MARK1: variants seen among roughly 807,000 people sequenced by gnomAD.
MARK1 encodes the protein serine/threonine-protein kinase MARK1.
A neutral mutation model predicts 96.3 loss-of-function variants in MARK1; 40 were observed. The observed-to-expected ratio is 0.42, with a 90% CI of 0.32 to 0.54. MARK1 has a LOEUF of 0.54. Ranked by LOEUF, MARK1 falls within the 20% of genes least tolerant of loss-of-function variation. The pLI, the probability that MARK1 is intolerant of heterozygous loss-of-function variation, is 0.16. For synonymous variants in MARK1, 317 were observed against 341.2 expected (o/e 0.93, Z 0.78); for missense variants, 719 against 984.6 (o/e 0.73, Z 3.61).
Position 220,612,971 on chromosome 1 carries a change from C to T in MARK1, c.496-2968C>T, listed in dbSNP as rs1458401823. Among the ~76,000 whole-genome samples the T allele has an allele frequency of 2.0e-5, 3 of 152,036 alleles. No homozygotes were observed. The East Asian group carries it at 5.8e-4, about 29-fold the overall frequency. ...TCAATTCTTGCAATATCAAGTCTACCACTTATAAGTATTAACAATTGCAAA... is the reference window on the plus strand; with the variant it reads ...TCAATTCTTGCAATATCAAGTCTACTACTTATAAGTATTAACAATTGCAAA... On this transcript the variant is annotated intron_variant, in intron 6 of 17. Coordinates refer to ENST00000366917, the MANE Select transcript of MARK1 (RefSeq NM_018650.5).
At chr1:220,607,154 G>A (rs961035766) in intron 6 of MARK1, among the ~76,000 whole-genome samples, 4 of 152,176 alleles carry the variant, frequency 2.6e-5, no homozygotes, top group African/African-American at 9.7e-5. Context: ...CTATCCGTGA[G>A]CATGGAATAT....
In MARK1 at chr1:220,581,138, A is replaced by G. The variant is rs992223977; in HGVS notation, c.309+20A>G. On this transcript the variant is annotated intron_variant, in intron 3 of 17. Coordinates refer to ENST00000366917, the MANE Select transcript of MARK1 (RefSeq NM_018650.5). ...CAAAAGGTATTTAATTAATTTAATA[A>G]GTAATTAAAATGTGAGTTTATCATT... The G allele has an allele frequency of 2.8e-5, 26 of 937,382 alleles. No homozygotes were observed. Among genetic ancestry groups the G allele is most frequent in the Non-Finnish European group, 3.7e-5 (25 of 672,374 alleles). The allele number at this position is 937,382 out of a possible 1,614,324, so 58.1% of individuals were successfully genotyped here.
At chr1:220,644,461 C>A (rs6656145) in intron 13 of MARK1, among the ~76,000 whole-genome samples, 110,301 of 135,918 alleles carry the variant, frequency 0.81, 45,472 homozygotes, top group African/African-American at 0.93. Context: ...CCCCCCCCCC[C>A]CACACACACA....
At chr1:220,645,754 G>T (rs1215648636) in intron 13 of MARK1, among the ~76,000 whole-genome samples, 2 of 152,116 alleles carry the variant, frequency 1.3e-5, no homozygotes, top group African/African-American at 2.4e-5. Flanking sequence ...TTCAACATAC[G>T]TGAATCAATA....
At chr1:220,590,817 G>A (rs1001494092) in intron 3 of MARK1, among the ~76,000 whole-genome samples, 7 of 152,192 alleles carry the variant, frequency 4.6e-5, no homozygotes, top group East Asian at 3.9e-4. Context: ...TCTTGTTATC[G>A]CTTATGTTTT....
chr1:220,548,993 T>G (rs1427136173), intron 1 of MARK1, among the ~76,000 whole-genome samples: 1 of 152,146 alleles, frequency 6.6e-6, no homozygotes, highest in Non-Finnish European at 1.5e-5. Context: ...TCTTGGGGTG[T>G]AGGGGAGTAT....
At chr1:220,548,610 G>A (rs547526110) in intron 1 of MARK1, among the ~76,000 whole-genome samples, 7 of 152,148 alleles carry the variant, frequency 4.6e-5, no homozygotes, top group East Asian at 3.9e-4. Context: ...GTGGTGGTGG[G>A]CACCTGTAGT....
chr1:220,604,941 A>C (rs1665980305), intron 6 of MARK1, among the ~76,000 whole-genome samples: 1 of 152,120 alleles, frequency 6.6e-6, no homozygotes, highest in African/African-American at 2.4e-5. Context: ...ACTTTTATTA[A>C]ATTTAGAATT....
intron 1 of MARK1, among the ~76,000 whole-genome samples, chr1:220,570,440 CTT>C (rs1663365137): frequency 1.3e-5 from 2 of 152,092 alleles, no homozygotes; most frequent in African/African-American, 2.4e-5. Flanking sequence ...TATATATCTT[CTT>C]AAGAAGTATT....
At chr1:220,552,292 A>G (rs1366845961) in intron 1 of MARK1, among the ~76,000 whole-genome samples, 1 of 152,198 alleles carries the variant, frequency 6.6e-6, no homozygotes, top group Non-Finnish European at 1.5e-5. Context: ...TTTTTTACTA[A>G]TGGATCACTA....
rs1660085477 is a variant in MARK1, at chr1:220,528,690, A to T, written c.-133A>T. On this transcript the variant is annotated 5_prime_UTR_variant, in exon 1 of 18. Coordinates refer to ENST00000366917, the MANE Select transcript of MARK1 (RefSeq NM_018650.5). ...TTCCCCCGCCGGGGCCGCTTGTTGC[A>T]CCGCCCCGCGGCCTGCGGGAGCCGC... is the stretch of plus-strand genomic sequence containing the variant. 1 of 685,566 alleles carries T rather than the reference A, an allele frequency of 1.5e-6. No homozygotes were observed. The highest frequency in any genetic ancestry group is 2.3e-6 in the Non-Finnish European group (1 of 438,302). The allele number at this position is 685,566 out of a possible 1,614,324, so 42.5% of individuals were successfully genotyped here.
intron 3 of MARK1, among the ~76,000 whole-genome samples, chr1:220,594,511 A>G (rs763828087): frequency 3.5e-4 from 54 of 152,324 alleles, no homozygotes; most frequent in Non-Finnish European, 1.6e-4. Flanking sequence ...CAGCAGTTGC[A>G]TTCCTTGGTA....
In MARK1 at chr1:220,602,089, A is replaced by G. The variant is rs150414286; in HGVS notation, c.425-1978A>G. 4.6e-3 allele frequency among the ~76,000 whole-genome samples: 698 copies of G among 152,272 alleles called. 6 individuals are homozygous for G. Among genetic ancestry groups the G allele is most frequent in the African/African-American group, 0.015 (636 of 41,570 alleles). Reference sequence around the variant, plus strand: ...TAAATATTTTTCCTCTGAAATTTCTACTTAGTTTAGGATCAAATCTGACAT... The same window carrying G: ...TAAATATTTTTCCTCTGAAATTTCTGCTTAGTTTAGGATCAAATCTGACAT... On this transcript the variant is annotated intron_variant, in intron 5 of 17. Transcript: ENST00000366917.
At chr1:220,631,375 A>G (rs1000169340) in intron 10 of MARK1, among the ~76,000 whole-genome samples, 4 of 152,220 alleles carry the variant, frequency 2.6e-5, no homozygotes, top group African/African-American at 9.6e-5. Context: ...AATGTAAATA[A>G]ATCGAATTCT....
intron 3 of MARK1, among the ~76,000 whole-genome samples, chr1:220,588,340 A>G (rs566405892): frequency 2.0e-5 from 3 of 152,224 alleles, no homozygotes; most frequent in African/African-American, 4.8e-5. Flanking sequence ...TCTTATAAGA[A>G]TCTTATAATC....
At chr1:220,650,312 C>T (rs1159035312) in intron 13 of MARK1, among the ~76,000 whole-genome samples, 1 of 152,174 alleles carries the variant, frequency 6.6e-6, no homozygotes, top group East Asian at 1.9e-4. Context: ...CACACCCCTG[C>T]TCCTGCCCTT....
chr1:220,612,374 T>A lies in MARK1; in HGVS notation c.496-3565T>A, dbSNP rs558725559. Among the ~76,000 whole-genome samples the A allele has an allele frequency of 6.6e-5, 10 of 152,346 alleles. No homozygotes were observed. The East Asian group carries it at 1.9e-3, about 29-fold the overall frequency. On this transcript the variant is annotated intron_variant, in intron 6 of 17. Transcript: ENST00000366917. ...AATTACTAAAATTGGCTTGGTTTTT[T>A]AAATAAAGTCTGTAATATTTTGAAA...
chr1:220,556,129 G>A (rs1215136275), intron 1 of MARK1, among the ~76,000 whole-genome samples: 4 of 152,028 alleles, frequency 2.6e-5, no homozygotes, highest in South Asian at 4.1e-4. Context: ...CAGGAAATAC[G>A]GTATCAGCAC....
chr1:220,596,406 T>A (rs988834719), intron 3 of MARK1, among the ~76,000 whole-genome samples: 3 of 152,228 alleles, frequency 2.0e-5, no homozygotes, highest in African/African-American at 7.2e-5. Context: ...AAAATGTGTT[T>A]CAAAGTTACA....
Sources: gnomAD v4.1 joint callset for allele counts (sites outside exome capture counted in the v4.1 genomes callset) on GRCh38, gnomAD v4.1.1 for gene constraint, MANE v1.5 for transcripts, NCBI Gene and HGNC (gene_info 2026-07-23, HGNC 2026-07-21) for gene names.